Variants in NBPF3 observed in about 807,000 individuals in gnomAD.
NBPF3 encodes the protein NBPF member 3, also known as NBPF family member NBPF3.
A neutral mutation model predicts 78.1 loss-of-function variants in NBPF3; 57 were observed. The observed-to-expected ratio is 0.73, with a 90% CI of 0.59 to 0.91. The LOEUF (loss-of-function observed/expected upper bound fraction) is 0.91. Among genes scored for constraint, NBPF3 ranks in the 40% least tolerant of loss-of-function variants. The pLI is 0.00. For missense variants in NBPF3, 510 were observed against 715.3 expected (o/e 0.71, Z 3.27); for synonymous variants, 182 against 271.7 (o/e 0.67, Z 3.25).
At chr1:21,481,499 T>G (rs1398298064) in intron 12 of NBPF3, 98 bp from the exon 13 acceptor site, 24 of 1,424,806 alleles carry the variant, frequency 1.7e-5, no homozygotes, top group Middle Eastern at 2.5e-4. Flanking sequence ...ATCCTTTTTC[T>G]TTTTTAACCA....
intron 5 of NBPF3, 96 bp from the exon 6 acceptor site, chr1:21,472,747 C>A: frequency 1.1e-6 from 1 of 882,790 alleles, no homozygotes; most frequent in Non-Finnish European, 1.9e-6. Flanking sequence ...GAACAGTGAC[C>A]ATGCCTAGAT....
At chr1:21,453,334 C>T (rs1218733592) in intron 2 of NBPF3, 2 of 152,190 alleles carry the variant, frequency 1.3e-5, no homozygotes, top group Non-Finnish European at 2.9e-5. Context: ...CCCCAGTTCT[C>T]AGTGGGTCCC....
chr1:21,437,558 C>A, upstream of NBPF3: 3 of 1,142,498 alleles, frequency 2.6e-6, no homozygotes, highest in East Asian at 2.9e-5. Flanking sequence ...GAGCTGGGGG[C>A]TACTGAAGAA....
rs1558503286 is a variant in NBPF3 at position 21,474,942 on chromosome 1, T to C, written c.983T>C (p.Val328Ala). The change falls in exon 8 of 15, where the codon GTG becomes GCG. Residue 328 changes from valine (V) to alanine (A), a missense_variant. This residue lies in a region of NBPF3 where 440 missense variants were observed against 478.2 expected (regional missense o/e 0.92). Coordinates refer to ENST00000318249, the MANE Select transcript of NBPF3 (RefSeq NM_032264.6). ...GAGCAAGAGGAAGAAAAAGGGCCAG[T>C]GTCTCCCAGGTAATGCCATGGAATT... is the stretch of plus-strand genomic sequence containing the variant. ...DHEQEEEKGP[V>A]SPRNLQESEE... is the part of the protein sequence containing the mutation. 2 of 1,603,644 alleles carry C rather than the reference T, an allele frequency of 1.2e-6. No homozygotes were observed. Among genetic ancestry groups the C allele is most frequent in the Non-Finnish European group, 8.5e-7 (1 of 1,172,938 alleles).
intron 6 of NBPF3, among the ~76,000 whole-genome samples, 180 bp from the exon 7 acceptor site, chr1:21,473,200 A>G (rs2147995773): frequency 6.6e-6 from 1 of 152,272 alleles, no homozygotes; most frequent in South Asian, 2.1e-4. Context: ...TCTGGCTCCC[A>G]TGGCTGCCAT....
At chr1:21,481,392 GTCTCTCTGTCTC>G (rs1558510657) in intron 12 of NBPF3, among the ~76,000 whole-genome samples, 193 bp from the exon 13 acceptor site, 2 of 23,892 alleles carry the variant, frequency 8.4e-5, no homozygotes, top group Admixed American at 6.9e-4. Context: ...CTCTGCCTCT[GTCTCTCTGTCTC>G]TCTGTCTTTC....
chr1:21,458,672 G>A (rs1202111637), intron 2 of NBPF3, among the ~76,000 whole-genome samples: 2 of 152,176 alleles, frequency 1.3e-5, no homozygotes, highest in Non-Finnish European at 2.9e-5. Context: ...AGACACAAAA[G>A]AATACGGGTA....
chr1:21,457,337 A>AGTGT (rs558306451), intron 2 of NBPF3, among the ~76,000 whole-genome samples: 10 of 80,428 alleles, frequency 1.2e-4, no homozygotes, highest in African/African-American at 2.8e-4. Flanking sequence ...GGGTTTTTAG[A>AGTGT]GTGTGTGTGT....
rs72872293 is a variant in NBPF3 at position 21,470,978 on chromosome 1, G to A, written c.446+244G>A. Among the ~76,000 whole-genome samples the A allele has an allele frequency of 5.6e-3, 852 of 152,164 alleles. 9 individuals carry two copies. Among genetic ancestry groups the A allele is most frequent in the African/African-American group, 0.018 (734 of 41,514 alleles). The stretch of plus-strand genomic sequence containing the variant: ...ACAAGTAATTGTTGAGGTGAAATGC[G>A]CATAACACAAAATTAACCGAAGGAG... On this transcript the variant is annotated intron_variant, in intron 4 of 14. Transcript: ENST00000318249.
intron 2 of NBPF3, chr1:21,459,677 C>T (rs1641841187): frequency 1.3e-5 from 5 of 372,414 alleles, no homozygotes; most frequent in South Asian, 2.5e-5. Context: ...ACTGGGAACG[C>T]TGAAGATGGG....
rs1259249883 is a variant in NBPF3 at position 21,476,083 on chromosome 1, T to G, written c.992+1132T>G. Among the ~76,000 whole-genome samples the G allele has an allele frequency of 3.2e-5, 4 of 126,740 alleles. No homozygotes were observed. Among genetic ancestry groups the G allele is most frequent in the Non-Finnish European group, 6.9e-5 (4 of 58,318 alleles). 83.1% of individuals were successfully genotyped at this position (126,740 alleles called of 152,430 possible). Reference sequence around the variant, plus strand: ...GTTTAAAGTCTGTTTTATCAAAGACTAGGATTGCAACCCCTGCTTTTTTTT... The same window carrying G: ...GTTTAAAGTCTGTTTTATCAAAGACGAGGATTGCAACCCCTGCTTTTTTTT... On this transcript the variant is annotated intron_variant, in intron 8 of 14. Transcript: ENST00000318249. The surrounding 1 kb of genome is among the most constrained non-coding windows in gnomAD (Gnocchi z 4.1).
intron 2 of NBPF3, among the ~76,000 whole-genome samples, chr1:21,456,760 T>TA (rs1641627096): frequency 6.6e-6 from 1 of 152,198 alleles, no homozygotes. Context: ...CAGGTAACAT[T>TA]ATATTAAATG....
chr1:21,456,284 C>G (rs1013162469), intron 2 of NBPF3, among the ~76,000 whole-genome samples: 1 of 152,180 alleles, frequency 6.6e-6, no homozygotes, highest in Non-Finnish European at 1.5e-5. Context: ...CATCTAAGAA[C>G]AGCTAACAAA....
chr1:21,438,177 A>C (rs898166528), upstream of NBPF3, among the ~76,000 whole-genome samples: 25 of 150,874 alleles, frequency 1.7e-4, no homozygotes, highest in African/African-American at 6.1e-4. Flanking sequence ...CAGTGACATG[A>C]TCTCAGCTCA....
At chr1:21,464,635 TAAC>T (rs1322787299) in intron 2 of NBPF3, among the ~76,000 whole-genome samples, 1 of 150,714 alleles carries the variant, frequency 6.6e-6, no homozygotes. Flanking sequence ...GAAATAATAA[TAAC>T]AACAAAAGTA....
upstream of NBPF3, chr1:21,436,809 G>C: frequency 9.1e-7 from 1 of 1,102,144 alleles, no homozygotes; most frequent in Non-Finnish European, 1.2e-6. The surrounding 1 kb of genome is among the most constrained non-coding windows in gnomAD (Gnocchi z 4.3). Context: ...TGCAGGTCCA[G>C]GTAGGAAGGG....
rs1642884382 is a variant in NBPF3, at chr1:21,476,285, A to AT, written c.992+1336dup. Among the ~76,000 whole-genome samples the AT allele has an allele frequency of 6.6e-6, 1 of 152,032 alleles. No homozygotes were observed. Among genetic ancestry groups the AT allele is most frequent in the Admixed American group, 6.6e-5 (1 of 15,266 alleles). Reference sequence around the variant, plus strand: ...TAGCCTATTTACATTTCAGGTTACTATTGTTATGTGTGAATTTGATCCTGT... The same window carrying AT: ...TAGCCTATTTACATTTCAGGTTACTATTTGTTATGTGTGAATTTGATCCTGT... On this transcript the variant is annotated intron_variant, in intron 8 of 14. Transcript: ENST00000318249. The surrounding 1 kb of genome is among the most constrained non-coding windows in gnomAD (Gnocchi z 4.1).
At chr1:21,456,579 T>C (rs1344955758) in intron 2 of NBPF3, among the ~76,000 whole-genome samples, 1 of 152,164 alleles carries the variant, frequency 6.6e-6, no homozygotes, top group Non-Finnish European at 1.5e-5. Flanking sequence ...TTATATATTA[T>C]CAGGGCAAAA....
chr1:21,461,541 G>C (rs932403798), intron 2 of NBPF3, among the ~76,000 whole-genome samples: 1 of 151,964 alleles, frequency 6.6e-6, no homozygotes, highest in African/African-American at 2.4e-5. Flanking sequence ...GCACGATCTC[G>C]GCTCTGCCTC....
Sources: gnomAD v4.1 joint callset for allele counts (sites outside exome capture counted in the v4.1 genomes callset) on GRCh38, gnomAD v4.1.1 for gene constraint, gnomAD v4.1.1 regional missense constraint, Gnocchi (gnomAD v3.1) non-coding constraint, MANE v1.5 for transcripts, NCBI Gene and HGNC (gene_info 2026-07-23, HGNC 2026-07-21) for gene names.